The following METTL16 variants were observed in gnomAD, a reference collection of about 807,000 sequenced individuals.
METTL16 encodes methyltransferase 16, RNA N6-adenosine.
In METTL16, 19 loss-of-function variants were observed where a neutral mutation model predicts 57.9. The ratio of observed to expected loss-of-function variants is 0.33; its 90% CI spans 0.23 to 0.48. METTL16 has a LOEUF of 0.48. Among genes scored for constraint, METTL16 ranks in the 20% least tolerant of loss-of-function variants. The pLI, the probability that METTL16 is intolerant of heterozygous loss-of-function variation, is 0.99. For missense variants in METTL16, 434 were observed against 691.5 expected (o/e 0.63, Z 4.18); for synonymous variants, 246 against 255.6 (o/e 0.96, Z 0.36).
At chr17:2,426,752 A>G (rs967885593) in intron 8 of METTL16, among the ~76,000 whole-genome samples, 35 of 149,762 alleles carry the variant, frequency 2.3e-4, no homozygotes, top group African/African-American at 8.6e-4. Context: ...AAAAAAAAAA[A>G]GTAAAAATAG....
At chr17:2,443,333 T>G (rs1166324325) in intron 6 of METTL16, among the ~76,000 whole-genome samples, 1 of 152,148 alleles carries the variant, frequency 6.6e-6, no homozygotes, top group Non-Finnish European at 1.5e-5. Flanking sequence ...TGTATTAACT[T>G]TCCAGACCCA....
rs1362005058 is a variant in METTL16 at position 2,418,724 on chromosome 17, C to CATGCCAAGGT, written c.*1236_*1245dup. 1 of 152,356 alleles carries CATGCCAAGGT rather than the reference C, an allele frequency of 6.6e-6. No homozygotes were observed. The highest frequency in any genetic ancestry group is 1.5e-5 in the Non-Finnish European group (1 of 68,140). 9.4% of individuals were successfully genotyped at this position (152,356 alleles called of 1,614,324 possible). A position where few individuals can be genotyped will look rare whatever the true frequency, so the allele number is the denominator to read the frequency against. ...GGGCCTGATCTAGCTGCTGCCAAGA[C>CATGCCAAGGT]ATGCCAAGGTCACCAGCTTCCCGTC... is the stretch of plus-strand genomic sequence containing the variant. On this transcript the variant is annotated 3_prime_UTR_variant, in exon 10 of 10. Transcript: ENST00000263092.
chr17:2,509,186 T>A (rs1332329165), intron 1 of METTL16, among the ~76,000 whole-genome samples: 1 of 152,186 alleles, frequency 6.6e-6, no homozygotes. Context: ...ACCATATCCA[T>A]CCTAGTCTTT....
intron 5 of METTL16, among the ~76,000 whole-genome samples, chr17:2,464,939 G>C (rs1349191540): frequency 2.0e-5 from 3 of 152,094 alleles, no homozygotes; most frequent in Non-Finnish European, 4.4e-5. Context: ...GACTTCATCC[G>C]AATTAAAAAC....
intron 8 of METTL16, among the ~76,000 whole-genome samples, chr17:2,426,719 ACTCCGT>A (rs1402195129): frequency 7.6e-5 from 10 of 132,146 alleles, no homozygotes; most frequent in African/African-American, 2.9e-4. Flanking sequence ...ACAGAGCAAG[ACTCCGT>A]CTCAAAAAAA....
At chr17:2,477,646 T>C (rs768767203) in intron 3 of METTL16, 40 bp downstream of exon 3, 9 of 1,482,306 alleles carry the variant, frequency 6.1e-6, no homozygotes, top group South Asian at 2.3e-5. Context: ...GCAAAACTTA[T>C]GAAAACTGTT....
At chr17:2,449,875 T>G (rs2151556039) in intron 6 of METTL16, among the ~76,000 whole-genome samples, 1 of 152,294 alleles carries the variant, frequency 6.6e-6, no homozygotes, top group East Asian at 1.9e-4. Flanking sequence ...GAATGGCCAA[T>G]AAGCACATGC....
chr17:2,426,611 C>T (rs1011960866), intron 8 of METTL16, among the ~76,000 whole-genome samples: 2 of 150,472 alleles, frequency 1.3e-5, no homozygotes, highest in African/African-American at 2.4e-5. Context: ...TGTCTATAAT[C>T]CCAGCTACTC....
intron 1 of METTL16, among the ~76,000 whole-genome samples, chr17:2,507,009 G>A (rs1242611044): frequency 2.5e-5 from 3 of 119,300 alleles, no homozygotes; most frequent in Admixed American, 2.1e-4. Context: ...CCTCCGCCCG[G>A]CAGCCACCCC....
intron 2 of METTL16, among the ~76,000 whole-genome samples, chr17:2,484,179 T>C (rs2067325646): frequency 6.6e-6 from 1 of 152,190 alleles, no homozygotes; most frequent in African/African-American, 2.4e-5. Flanking sequence ...AACAAAAGTA[T>C]TGCTATTTTG....
At chr17:2,489,609 C>T (rs1409939517) in intron 2 of METTL16, among the ~76,000 whole-genome samples, 1 of 150,948 alleles carries the variant, frequency 6.6e-6, no homozygotes, top group Non-Finnish European at 1.5e-5. Flanking sequence ...CGTGGTGGCA[C>T]GTGCCTGTAA....
rs537307832 is a variant in METTL16 at position 2,491,624 on chromosome 17, T to C, written c.128+10580A>G. ...GGCACGGTGGCTCACACCTGTAATG[T>C]CAGCACGTTGGGAGGCCAAGGCGGG... On this transcript the variant is annotated intron_variant, in intron 2 of 9. Coordinates refer to ENST00000263092, the MANE Select transcript of METTL16 (RefSeq NM_024086.4). 2.6e-3 allele frequency among the ~76,000 whole-genome samples: 396 copies of C among 150,956 alleles called. 2 individuals are homozygous for C. The highest frequency in any genetic ancestry group is 0.018 in the Middle Eastern group (5 of 282).
At chr17:2,464,935 A>C (rs1297361463) in intron 5 of METTL16, among the ~76,000 whole-genome samples, 10 of 152,342 alleles carry the variant, frequency 6.6e-5, no homozygotes, top group Middle Eastern at 3.4e-3. Flanking sequence ...ATTGGACTTC[A>C]TCCGAATTAA....
intron 8 of METTL16, among the ~76,000 whole-genome samples, chr17:2,421,396 A>G (rs1397318165): frequency 2.0e-5 from 3 of 152,208 alleles, no homozygotes; most frequent in Non-Finnish European, 4.4e-5. Context: ...TAAGAACCCC[A>G]CAAGATAGTT....
intron 3 of METTL16, among the ~76,000 whole-genome samples, chr17:2,476,403 T>A (rs1474742976): frequency 6.6e-6 from 1 of 152,116 alleles, no homozygotes; most frequent in Non-Finnish European, 1.5e-5. Context: ...GGCTGAGCCT[T>A]ATGCAAGGAA....
chr17:2,475,076 T>G, intron 3 of METTL16, among the ~76,000 whole-genome samples: 1 of 152,294 alleles, frequency 6.6e-6, no homozygotes, highest in Admixed American at 6.5e-5. Context: ...GGTCTAGCCT[T>G]GTAAGGATTT....
chr17:2,469,234 T>A (rs897266803), intron 4 of METTL16, among the ~76,000 whole-genome samples: 1 of 151,764 alleles, frequency 6.6e-6, no homozygotes, highest in African/African-American at 2.4e-5. Flanking sequence ...CAAGACTCTG[T>A]CTCAAAAAAT....
chr17:2,422,640 G>A (rs1181667352), intron 8 of METTL16, among the ~76,000 whole-genome samples: 1 of 151,744 alleles, frequency 6.6e-6, no homozygotes, highest in African/African-American at 2.4e-5. Context: ...AAAGTGCTGG[G>A]ATTACAAGTG....
At chr17:2,437,795 C>T (rs191775213) in intron 8 of METTL16, among the ~76,000 whole-genome samples, 4 of 152,168 alleles carry the variant, frequency 2.6e-5, no homozygotes, top group Non-Finnish European at 5.9e-5. Context: ...AGTTATCCGC[C>T]CAGCTCGGCT....
Sources: allele counts gnomAD v4.1 joint callset (sites outside exome capture counted in the v4.1 genomes callset), GRCh38; gene constraint gnomAD v4.1.1; transcripts MANE v1.5; gene names NCBI Gene and HGNC (gene_info 2026-07-23, HGNC 2026-07-21).